The following RGL1 variants were observed in gnomAD, a reference collection of about 807,000 sequenced individuals.
The protein encoded by RGL1 is ral guanine nucleotide dissociation stimulator-like 1.
A neutral mutation model predicts 95.2 loss-of-function variants in RGL1; 24 were observed. The observed-to-expected ratio is 0.25, with a 90% CI of 0.18 to 0.35. The LOEUF (loss-of-function observed/expected upper bound fraction) is 0.35. Ranked by LOEUF, RGL1 falls within the 10% of genes least tolerant of loss-of-function variation. RGL1 has a pLI of 1.00. For synonymous variants in RGL1, 329 were observed against 344.9 expected, an observed-to-expected ratio of 0.95 and a Z score of 0.51; for missense variants, 715 against 936.3, an observed-to-expected ratio of 0.76 and a Z score of 3.08.
intron 1 of RGL1, among the ~76,000 whole-genome samples, chr1:183,730,643 A>T (rs1409391868): frequency 1.3e-5 from 2 of 152,142 alleles, no homozygotes; most frequent in Non-Finnish European, 2.9e-5. Flanking sequence ...TTTAATTTGG[A>T]GAGTACAGAA....
chr1:183,820,102 C>T (rs564945408), intron 2 of RGL1, among the ~76,000 whole-genome samples: 9 of 151,840 alleles, frequency 5.9e-5, no homozygotes, highest in African/African-American at 1.7e-4. Context: ...TGTTTTGTTT[C>T]GTTTTGATTT....
intron 2 of RGL1, among the ~76,000 whole-genome samples, chr1:183,786,550 T>C (rs1445800248): frequency 1.3e-5 from 2 of 152,196 alleles, no homozygotes; most frequent in African/African-American, 4.8e-5. Flanking sequence ...AGCATTCCCT[T>C]TGAGTGTCAC....
At chr1:183,787,136 G>A (rs1660216565) in intron 2 of RGL1, among the ~76,000 whole-genome samples, 1 of 152,220 alleles carries the variant, frequency 6.6e-6, no homozygotes, top group African/African-American at 2.4e-5. Flanking sequence ...ATGAGAGAGT[G>A]AGCAAGAGGT....
chr1:183,755,819 G>C (rs1305515595), intron 2 of RGL1, among the ~76,000 whole-genome samples: 1 of 152,042 alleles, frequency 6.6e-6, no homozygotes, highest in African/African-American at 2.4e-5. Context: ...CATGAGTATG[G>C]GCACTCATAG....
chr1:183,675,463 A>G (rs1302369727), intron 1 of RGL1, among the ~76,000 whole-genome samples: 1 of 149,778 alleles, frequency 6.7e-6, no homozygotes, highest in East Asian at 2.0e-4. Context: ...GAAAATGGAC[A>G]TTGTTGAAGA....
chr1:183,830,195 G>A (rs1251490832), intron 2 of RGL1, among the ~76,000 whole-genome samples: 1 of 152,164 alleles, frequency 6.6e-6, no homozygotes, highest in Non-Finnish European at 1.5e-5. Flanking sequence ...AAGTGGCAAT[G>A]CGCCTAACTT....
intron 2 of RGL1, among the ~76,000 whole-genome samples, chr1:183,785,559 T>C (rs1477374433): frequency 2.6e-5 from 4 of 152,162 alleles, no homozygotes; most frequent in Non-Finnish European, 4.4e-5. Context: ...AAATAGGAAC[T>C]CTGTATTGAT....
chr1:183,917,003 T>G (rs1669020622), intron 16 of RGL1, among the ~76,000 whole-genome samples: 1 of 152,106 alleles, frequency 6.6e-6, no homozygotes, highest in East Asian at 1.9e-4. Flanking sequence ...CATTTGAAAA[T>G]TCTCAATTTG....
At chr1:183,858,257 G>A (rs953537242) in intron 3 of RGL1, among the ~76,000 whole-genome samples, 3 of 152,174 alleles carry the variant, frequency 2.0e-5, no homozygotes, top group African/African-American at 7.2e-5. Flanking sequence ...TCAGCAGTTG[G>A]TGGGAGTGAT....
chr1:183,793,808 T>G (rs1465591830), intron 2 of RGL1, among the ~76,000 whole-genome samples: 1 of 152,076 alleles, frequency 6.6e-6, no homozygotes, highest in Non-Finnish European at 1.5e-5. Flanking sequence ...AAGTGTAAAT[T>G]AGGATAACCA....
chr1:183,725,961 G>A (rs749893242), intron 1 of RGL1, among the ~76,000 whole-genome samples: 98 of 152,068 alleles, frequency 6.4e-4, no homozygotes, highest in Non-Finnish European at 1.3e-3. Context: ...TATAGAGTAT[G>A]TTTTCTGACT....
chr1:183,848,037 A>G (rs1664562175), intron 3 of RGL1, among the ~76,000 whole-genome samples: 1 of 152,132 alleles, frequency 6.6e-6, no homozygotes. Context: ...TGCTTTATGG[A>G]TTTACTATTT....
intron 8 of RGL1, among the ~76,000 whole-genome samples, chr1:183,890,193 A>G (rs1372486335): frequency 6.6e-6 from 1 of 152,184 alleles, no homozygotes; most frequent in African/African-American, 2.4e-5. Context: ...AATTGATTGC[A>G]ACCTTGTCTG....
At position 183,742,546 on chromosome 1, in the gene RGL1, T is replaced by C. The variant is rs987605538; in HGVS notation, c.132+257T>C. On this transcript the variant is annotated intron_variant, in intron 2 of 18. Coordinates refer to the RGL1 transcript ENST00000304685. Reference sequence around the variant, plus strand: ...TGATGATCTAAGGCTCATATGCATATAATCTGCACTTTAGCCTCAGGTATC... The same window carrying C: ...TGATGATCTAAGGCTCATATGCATACAATCTGCACTTTAGCCTCAGGTATC... Among the ~76,000 whole-genome samples, 7 of 152,332 alleles carry C rather than the reference T, an allele frequency of 4.6e-5. 1 individual carries two copies. In the South Asian group the frequency reaches 1.4e-3, roughly 32 times the overall value.
chr1:183,899,056 T>C (rs1169825367), intron 10 of RGL1, among the ~76,000 whole-genome samples: 2 of 152,194 alleles, frequency 1.3e-5, no homozygotes, highest in African/African-American at 2.4e-5. Flanking sequence ...GAAATGAATA[T>C]AGTGTATCCC....
chr1:183,812,116 G>A (rs922750185), intron 2 of RGL1, among the ~76,000 whole-genome samples: 39 of 152,064 alleles, frequency 2.6e-4, no homozygotes, highest in African/African-American at 9.2e-4. Context: ...ACTGTCTTAC[G>A]TATTTTATGT....
chr1:183,862,687 G>A (rs977612227), intron 3 of RGL1, among the ~76,000 whole-genome samples: 10 of 152,196 alleles, frequency 6.6e-5, no homozygotes, highest in Non-Finnish European at 1.5e-4. Flanking sequence ...TGCCTTTGCA[G>A]AGGCAAATCT....
chr1:183,778,378 T>G (rs1659709810), intron 2 of RGL1, among the ~76,000 whole-genome samples: 1 of 152,118 alleles, frequency 6.6e-6, no homozygotes, highest in African/African-American at 2.4e-5. Context: ...ATATCAAACA[T>G]AAACAGGAGA....
intron 1 of RGL1, among the ~76,000 whole-genome samples, chr1:183,637,560 T>C (rs1389661063): frequency 1.3e-5 from 2 of 152,236 alleles, no homozygotes; most frequent in African/African-American, 4.8e-5. Flanking sequence ...ATATAATGTG[T>C]GTATATTTAT....
Sources: gnomAD v4.1 joint callset for allele counts (sites outside exome capture counted in the v4.1 genomes callset) on GRCh38, gnomAD v4.1.1 for gene constraint, MANE v1.5 for transcripts, NCBI Gene and HGNC (gene_info 2026-07-23, HGNC 2026-07-21) for gene names.